SMAD6: variants seen among roughly 807,000 people sequenced by gnomAD.
SMAD6 encodes the protein MAD homolog 6.
SMAD6 carries 103 observed loss-of-function variants against 39.4 expected under a neutral mutation model. The ratio of observed to expected loss-of-function variants is 2.62; its 90% CI spans 2.23 to 3.08. The LOEUF (loss-of-function observed/expected upper bound fraction) is 3.08, where lower values mean the gene tolerates loss of function less well. Ranked by LOEUF, SMAD6 falls within the 30% of genes most tolerant of loss-of-function variation. The pLI is 0.00. For missense variants in SMAD6, 1,104 were observed against 742.9 expected (o/e 1.49, Z -5.65); for synonymous variants, 445 against 353.3 (o/e 1.26, Z -2.91).
chr15:66,741,887 G>T (rs1595781845), intron 3 of SMAD6, among the ~76,000 whole-genome samples: 2 of 152,320 alleles, frequency 1.3e-5, no homozygotes, highest in African/African-American at 4.8e-5. Flanking sequence ...ATGTACAGAG[G>T]CTACTGAGGC....
At chr15:66,712,080 GC>G (rs1893243409) in intron 2 of SMAD6, among the ~76,000 whole-genome samples, 1 of 152,226 alleles carries the variant, frequency 6.6e-6, no homozygotes, top group Non-Finnish European at 1.5e-5. Context: ...GGGCCCCCCA[GC>G]CTTGGGTTAT....
intron 2 of SMAD6, among the ~76,000 whole-genome samples, chr15:66,713,680 C>A (rs1893275104): frequency 6.6e-6 from 1 of 152,326 alleles, no homozygotes; most frequent in East Asian, 1.9e-4. Context: ...TCTTTCCAGA[C>A]CCCTCTCCTG....
At chr15:66,705,609 C>G (rs1214704352) in intron 1 of SMAD6, 1 of 152,078 alleles carries the variant, frequency 6.6e-6, no homozygotes, top group African/African-American at 2.4e-5. Context: ...TCGTAGAAGC[C>G]CCTGGCAGGT....
intron 3 of SMAD6, among the ~76,000 whole-genome samples, chr15:66,737,834 C>T (rs1000217089): frequency 6.6e-6 from 1 of 152,136 alleles, no homozygotes; most frequent in Non-Finnish European, 1.5e-5. Context: ...CGGAGCTGAG[C>T]CTCCACTTCC....
At chr15:66,780,521 A>G (rs1465060208) in intron 3 of SMAD6, among the ~76,000 whole-genome samples, 5 of 152,188 alleles carry the variant, frequency 3.3e-5, no homozygotes, top group Non-Finnish European at 7.3e-5. Flanking sequence ...AACGAGGAGA[A>G]GGTGGCGTCC....
At position 66,776,446 on chromosome 15, in the gene SMAD6, G is replaced by A. The variant is rs1894469708; in HGVS notation, c.953-4551G>A. The stretch of plus-strand genomic sequence containing the variant: ...CAGTCCTTTTACAAATACAGAGACT[G>A]AGGCTTGGAGACGTTTAGCAGTTTA... On this transcript the variant is annotated intron_variant, in intron 3 of 3. Coordinates refer to ENST00000288840, the MANE Select transcript of SMAD6 (RefSeq NM_005585.5). Among the ~76,000 whole-genome samples the A allele has an allele frequency of 2.6e-5, 4 of 152,256 alleles. No homozygotes were observed. The South Asian group carries it at 8.3e-4, about 31-fold the overall frequency.
intron 3 of SMAD6, among the ~76,000 whole-genome samples, chr15:66,772,607 T>C (rs1894397812): frequency 6.6e-6 from 1 of 152,236 alleles, no homozygotes; most frequent in Admixed American, 6.5e-5. Context: ...TGTTAACTTA[T>C]GCAGTGCCTA....
chr15:66,742,819 T>C (rs1035752141), intron 3 of SMAD6, among the ~76,000 whole-genome samples: 4 of 152,164 alleles, frequency 2.6e-5, no homozygotes, highest in Admixed American at 1.3e-4. Context: ...TTGCTTAGAC[T>C]GCCCGCTGCG....
intron 3 of SMAD6, among the ~76,000 whole-genome samples, chr15:66,759,656 G>A (rs74019779): frequency 0.064 from 9,787 of 152,250 alleles, 437 homozygotes; most frequent in African/African-American, 0.12. Context: ...TTAAACTAGA[G>A]TGATCTGTCC....
intron 3 of SMAD6, among the ~76,000 whole-genome samples, chr15:66,726,028 T>C: frequency 6.6e-6 from 1 of 152,188 alleles, no homozygotes; most frequent in East Asian, 1.9e-4. Flanking sequence ...ACCCAGTGGC[T>C]GTGTGGTCTG....
rs909606946 is a variant in SMAD6, at chr15:66,781,877, G to T, written c.*342G>T. ...TTTTATATATATATATAAAGAAAAT[G>T]ATACAGCAGAGCTAGGTGGAAAAGC... On this transcript the variant is annotated 3_prime_UTR_variant, in exon 4 of 4. Transcript: ENST00000288840. 2.5e-6 allele frequency: 1 copy of T among 398,640 alleles called. No individual in the cohort carries two copies. The highest frequency in any genetic ancestry group is 4.4e-6 in the Non-Finnish European group (1 of 226,006). The allele number at this position is 398,640 out of a possible 1,614,324, so 24.7% of individuals were successfully genotyped here.
At chr15:66,762,104 A>G (rs931058143) in intron 3 of SMAD6, among the ~76,000 whole-genome samples, 6 of 152,226 alleles carry the variant, frequency 3.9e-5, no homozygotes, top group African/African-American at 7.2e-5. Context: ...AGGGAGGGCT[A>G]TTTTGATGTG....
intron 3 of SMAD6, among the ~76,000 whole-genome samples, chr15:66,763,699 G>A (rs2140662251): frequency 6.6e-6 from 1 of 152,328 alleles, no homozygotes; most frequent in Non-Finnish European, 1.5e-5. Context: ...GAGAGAACCT[G>A]GGGCCCAGCT....
At chr15:66,763,488 C>G (rs900281249) in intron 3 of SMAD6, among the ~76,000 whole-genome samples, 1 of 152,216 alleles carries the variant, frequency 6.6e-6, no homozygotes, top group Non-Finnish European at 1.5e-5. Flanking sequence ...GAGCAGCCCT[C>G]GGTATTTCCA....
intron 1 of SMAD6, among the ~76,000 whole-genome samples, chr15:66,709,181 A>G (rs1893179938): frequency 6.6e-6 from 1 of 152,180 alleles, no homozygotes; most frequent in African/African-American, 2.4e-5. Flanking sequence ...CCTACAATGG[A>G]ATTTAGTGAT....
chr15:66,705,372 C>T (rs1893089198), intron 1 of SMAD6: 1 of 152,128 alleles, frequency 6.6e-6, no homozygotes, highest in Admixed American at 6.5e-5. Context: ...CACCCTACTC[C>T]CCTCATGGTC....
At chr15:66,718,640 A>G (rs1332480603) in intron 3 of SMAD6, among the ~76,000 whole-genome samples, 3 of 152,160 alleles carry the variant, frequency 2.0e-5, no homozygotes, top group Admixed American at 6.5e-5. Flanking sequence ...CAGGGATGCC[A>G]TGCGTGGAAT....
chr15:66,780,566 T>C (rs1894540103), intron 3 of SMAD6, among the ~76,000 whole-genome samples: 1 of 152,186 alleles, frequency 6.6e-6, no homozygotes, highest in Admixed American at 6.5e-5. Context: ...GTGAGTCCTG[T>C]GTGCTGTGAA....
At chr15:66,777,821 A>G (rs1256942659) in intron 3 of SMAD6, among the ~76,000 whole-genome samples, 3 of 152,194 alleles carry the variant, frequency 2.0e-5, no homozygotes, top group African/African-American at 7.2e-5. Context: ...AGTCTGTTCA[A>G]CCAAGGAAGC....
Sources: gnomAD v4.1 joint callset for allele counts (sites outside exome capture counted in the v4.1 genomes callset) on GRCh38, gnomAD v4.1.1 for gene constraint, MANE v1.5 for transcripts, NCBI Gene and HGNC (gene_info 2026-07-23, HGNC 2026-07-21) for gene names.